Variants in LBH observed in about 807,000 individuals in gnomAD.
LBH encodes LBH regulator of Wnt signaling pathway, also known as protein LBH.
LBH carries 7 observed loss-of-function variants against 12.5 expected under a neutral mutation model. That is an observed-to-expected ratio of 0.56 (90% CI 0.32 to 1.05). LBH has a LOEUF of 1.05. Ranked by LOEUF, LBH falls within the 50% of genes least tolerant of loss-of-function variation. The pLI, the probability that LBH is intolerant of heterozygous loss-of-function variation, is 0.04. For synonymous variants in LBH, 51 were observed against 50.1 expected (o/e 1.02, Z -0.08); for missense variants, 119 against 138.9 (o/e 0.86, Z 0.72).
intron 2 of LBH, 72 bp downstream of exon 2, chr2:30,234,579 GT>G: frequency 9.1e-7 from 1 of 1,104,548 alleles, no homozygotes. Flanking sequence ...GACAGACTTG[GT>G]TTTGCATCCC....
intron 1 of LBH, chr2:30,232,103 C>T: frequency 6.5e-7 from 1 of 1,539,274 alleles, no homozygotes. Flanking sequence ...GCGCGCGCCC[C>T]ACTTGGCGCA....
intron 1 of LBH, chr2:30,232,525 T>G: frequency 3.6e-5 from 8 of 223,486 alleles, no homozygotes; most frequent in Admixed American, 5.8e-5. Flanking sequence ...GGCAGTTTCT[T>G]CCTTCCTGCT....
At chr2:30,255,319 T>C (rs906866) in intron 2 of LBH, among the ~76,000 whole-genome samples, 73,683 of 151,986 alleles carry the variant, frequency 0.48, 18,475 homozygotes, top group Admixed American at 0.6. Context: ...CATGCACGTC[T>C]GGGCACAGCG....
chr2:30,245,227 T>G (rs1677851625), intron 2 of LBH, among the ~76,000 whole-genome samples: 1 of 152,226 alleles, frequency 6.6e-6, no homozygotes, highest in African/African-American at 2.4e-5. Context: ...AAGATTTGAC[T>G]TAAGAGCTTG....
intron 2 of LBH, chr2:30,256,426 T>C (rs1458082015): frequency 6.6e-6 from 1 of 152,214 alleles, no homozygotes; most frequent in Non-Finnish European, 1.5e-5. Flanking sequence ...CATCAGGATT[T>C]GGCTTTGACT....
chr2:30,240,830 GT>G (rs1332430008), intron 2 of LBH, among the ~76,000 whole-genome samples: 1 of 152,164 alleles, frequency 6.6e-6, no homozygotes, highest in Non-Finnish European at 1.5e-5. Flanking sequence ...GACCCCAAGC[GT>G]TTAGCTGAAA....
chr2:30,248,432 C>G (rs186987212), intron 2 of LBH, among the ~76,000 whole-genome samples: 1 of 152,110 alleles, frequency 6.6e-6, no homozygotes, highest in Admixed American at 6.6e-5. Context: ...GGAAGGGAAC[C>G]CAAACAAGAA....
In LBH at chr2:30,231,550, A is replaced by G; in HGVS notation, c.-189A>G. The stretch of plus-strand genomic sequence containing the variant: ...CTTTGTGGGGCTGAGTGCTCAGTGG[A>G]GAGCGGGGAGTTGTGTCCACCTTGC... On this transcript the variant is annotated 5_prime_UTR_variant, in exon 1 of 3. Coordinates refer to ENST00000395323, the MANE Select transcript of LBH (RefSeq NM_030915.4). 1 of 612,032 alleles carries G rather than the reference A, an allele frequency of 1.6e-6. No individual in the cohort carries two copies. Among genetic ancestry groups the G allele is most frequent in the Non-Finnish European group, 2.9e-6 (1 of 340,100 alleles). 37.9% of individuals were successfully genotyped at this position (612,032 alleles called of 1,614,324 possible). A position where few individuals can be genotyped will look rare whatever the true frequency, so the allele number is the denominator to read the frequency against.
chr2:30,246,672 A>T (rs1008321291), intron 2 of LBH, among the ~76,000 whole-genome samples: 1 of 152,178 alleles, frequency 6.6e-6, no homozygotes, highest in African/African-American at 2.4e-5. Context: ...GTTGAAGTCA[A>T]TGAAGGATAT....
intron 2 of LBH, among the ~76,000 whole-genome samples, chr2:30,239,446 A>G (rs960522594): frequency 1.3e-5 from 2 of 152,126 alleles, no homozygotes; most frequent in Non-Finnish European, 2.9e-5. Flanking sequence ...AGTTCCCCAC[A>G]TGTCCTCAAG....
At chr2:30,251,543 T>C (rs1677978342) in intron 2 of LBH, among the ~76,000 whole-genome samples, 1 of 151,858 alleles carries the variant, frequency 6.6e-6, no homozygotes, top group East Asian at 2.0e-4. Context: ...GGCTCATGCC[T>C]GTAATCCCAG....
At chr2:30,243,941 C>T (rs1677831041) in intron 2 of LBH, among the ~76,000 whole-genome samples, 1 of 152,212 alleles carries the variant, frequency 6.6e-6, no homozygotes, top group Non-Finnish European at 1.5e-5. Context: ...AACACGTAGA[C>T]AGCCCAGGCC....
intron 2 of LBH, among the ~76,000 whole-genome samples, chr2:30,254,571 C>T (rs1363690292): frequency 6.6e-6 from 1 of 152,046 alleles, no homozygotes; most frequent in African/African-American, 2.4e-5. Context: ...CTTCCCACCC[C>T]TCTCCTCCTC....
At chr2:30,236,939 G>GA (rs1677697968) in intron 2 of LBH, among the ~76,000 whole-genome samples, 1 of 121,734 alleles carries the variant, frequency 8.2e-6, no homozygotes, top group East Asian at 2.7e-4. Flanking sequence ...GTTTATGCCA[G>GA]GGGCAGGGCT....
intron 2 of LBH, among the ~76,000 whole-genome samples, chr2:30,241,813 T>C (rs1474757704): frequency 6.6e-6 from 1 of 152,182 alleles, no homozygotes; most frequent in Non-Finnish European, 1.5e-5. Flanking sequence ...AATTTCACCA[T>C]GCATAAATCA....
intron 2 of LBH, among the ~76,000 whole-genome samples, chr2:30,247,927 G>A (rs1044193533): frequency 2.6e-5 from 4 of 152,264 alleles, no homozygotes; most frequent in Admixed American, 2.6e-4. Flanking sequence ...TATACCCTTA[G>A]TGCAAGTGTT....
At chr2:30,245,210 A>G (rs1389782531) in intron 2 of LBH, among the ~76,000 whole-genome samples, 1 of 152,240 alleles carries the variant, frequency 6.6e-6, no homozygotes, top group Non-Finnish European at 1.5e-5. Context: ...AGAGAAAGTA[A>G]GAATACAAGA....
rs1344913242 is a variant in LBH at position 30,259,575 on chromosome 2, GT to G, written c.*1955del. On this transcript the variant is annotated 3_prime_UTR_variant, in exon 3 of 3. Coordinates refer to ENST00000395323, the MANE Select transcript of LBH (RefSeq NM_030915.4). ...CCTTATCTGCTACCCTGAATCACCT[GT>G]CCTGGTCTTGCTGTGTGATGGGAAC... The G allele has an allele frequency of 1.3e-5, 2 of 152,726 alleles. No homozygotes were observed. Among genetic ancestry groups the G allele is most frequent in the Non-Finnish European group, 1.5e-5 (1 of 68,138 alleles). The allele number at this position is 152,726 out of a possible 1,614,324, so 9.5% of individuals were successfully genotyped here. A position where few individuals can be genotyped will look rare whatever the true frequency, so the allele number is the denominator to read the frequency against.
chr2:30,243,935 CGTAG>C (rs1677830904), intron 2 of LBH, among the ~76,000 whole-genome samples: 1 of 152,162 alleles, frequency 6.6e-6, no homozygotes, highest in Non-Finnish European at 1.5e-5. Context: ...CTTTGCAACA[CGTAG>C]ACAGCCCAGG....
Sources: allele counts gnomAD v4.1 joint callset (sites outside exome capture counted in the v4.1 genomes callset), GRCh38; gene constraint gnomAD v4.1.1; transcripts MANE v1.5; gene names NCBI Gene and HGNC (gene_info 2026-07-23, HGNC 2026-07-21).